The following NT5C3A variants were observed in gnomAD, a reference collection of about 807,000 sequenced individuals.
The protein encoded by NT5C3A is 5'-nucleotidase, cytosolic IIIA.
Under a neutral mutation model 40.0 loss-of-function variants are expected in NT5C3A, and 23 were observed. The ratio of observed to expected loss-of-function variants is 0.58; its 90% CI spans 0.41 to 0.81. NT5C3A has a LOEUF of 0.81. Among genes scored for constraint, NT5C3A ranks in the 40% least tolerant of loss-of-function variants. The pLI is 0.00. For synonymous variants in NT5C3A, 130 were observed against 141.4 expected (o/e 0.92, Z 0.57); for missense variants, 328 against 403.0 (o/e 0.81, Z 1.59).
Position 33,015,777 on chromosome 7 carries a change from CTTTTAG to C in NT5C3A, c.781_786del (p.Leu261_Lys262del). 4 of 1,609,328 alleles carry C rather than the reference CTTTTAG, an allele frequency of 2.5e-6. No individual in the cohort carries two copies. The highest frequency in any genetic ancestry group is 3.4e-6 in the Non-Finnish European group (4 of 1,175,668). The stretch of plus-strand genomic sequence containing the variant: ...CCCAGAAGAATTATGTTACTATTGT[CTTTTAG>C]TTGATTGAAATATTCTGTATTCCTC... On this transcript the variant is annotated inframe_deletion, in exon 8 of 9. Transcript: ENST00000610140.
At position 33,024,059 on chromosome 7, in the gene NT5C3A, T is replaced by C; in HGVS notation, c.287A>G (p.Lys96Arg). 6.4e-7 allele frequency: 1 copy of C among 1,573,892 alleles called. No individual in the cohort carries two copies. Among genetic ancestry groups the C allele is most frequent in the Non-Finnish European group, 8.7e-7 (1 of 1,143,866 alleles). Residue 96 changes from lysine (K) to arginine (R), a missense_variant, in exon 3 of 9, where the codon AAA (lysine) becomes AGA (arginine). Physicochemically the swap from Lys to Arg is conservative, Grantham distance 26. This residue lies in a region of NT5C3A where 280 missense variants were observed against 317.2 expected (regional missense o/e 0.88). Coordinates refer to ENST00000610140, the MANE Select transcript of NT5C3A (RefSeq NM_001002010.5). ...CTTACTATGACATGTTGGGCATCTTTTCCCTTTATATGAAAATCTACTGAG... is the reference window on the plus strand; with the variant it reads ...CTTACTATGACATGTTGGGCATCTTCTCCCTTTATATGAAAATCTACTGAG... Reference protein sequence around the residue: ...MTLSRFSYKGKRCPTCHNIID... With the variant: ...MTLSRFSYKGRRCPTCHNIID...
intron 1 of NT5C3A, among the ~76,000 whole-genome samples, chr7:33,047,004 A>G (rs1262939553): frequency 2.1e-5 from 3 of 141,964 alleles, no homozygotes; most frequent in Non-Finnish European, 4.6e-5. Flanking sequence ...GGGTCTTGCT[A>G]TGGGGTGTAG....
At chr7:33,031,424 C>G (rs1177468024) in intron 1 of NT5C3A, among the ~76,000 whole-genome samples, 1 of 151,118 alleles carries the variant, frequency 6.6e-6, no homozygotes, top group African/African-American at 2.4e-5. Context: ...CCTGTCTCTA[C>G]AAACAATACA....
chr7:33,026,941 T>C (rs1785976568), intron 1 of NT5C3A, 26 bp from the exon 2 acceptor site: 2 of 1,482,036 alleles, frequency 1.3e-6, no homozygotes, highest in East Asian at 4.5e-5. Flanking sequence ...AATTAATTAA[T>C]TAGTTTTCAT....
intron 1 of NT5C3A, among the ~76,000 whole-genome samples, chr7:33,056,473 CAAAAAAAAAAAAAAAAAAAAAAA>C (rs70989927): frequency 0.02 from 879 of 43,762 alleles, 23 homozygotes; most frequent in African/African-American, 0.065. Flanking sequence ...CCGTCTCTAC[CAAAAAAAAAAAAAAAAAAAAAAA>C]AAAAAAAAAA....
chr7:33,031,806 G>T (rs1339608508), intron 1 of NT5C3A, among the ~76,000 whole-genome samples: 1 of 151,838 alleles, frequency 6.6e-6, no homozygotes, highest in East Asian at 1.9e-4. Context: ...TCATCTATAT[G>T]AGTTTCATTT....
In NT5C3A at chr7:33,056,473, CAAAAAAAAAAAAAAAAAAAA is replaced by C. The variant is rs70989927; in HGVS notation, c.138+6075_138+6094del. Among the ~76,000 whole-genome samples the C allele has an allele frequency of 1.0e-3, 45 of 43,718 alleles. 3 individuals are homozygous for C. The highest frequency in any genetic ancestry group is 0.029 in the Middle Eastern group (1 of 34). The allele number at this position is 43,718 out of a possible 152,430, so 28.7% of individuals were successfully genotyped here. A position where few individuals can be genotyped will look rare whatever the true frequency, so the allele number is the denominator to read the frequency against. The stretch of plus-strand genomic sequence containing the variant: ...GCAAATAGTGAGACCCCGTCTCTAC[CAAAAAAAAAAAAAAAAAAAA>C]AAAAAAAAAAAAAAAAAAAAAAATT... On this transcript the variant is annotated intron_variant, in intron 1 of 8. Coordinates refer to ENST00000610140, the MANE Select transcript of NT5C3A (RefSeq NM_001002010.5).
intron 7 of NT5C3A, 73 bp from the exon 8 acceptor site, chr7:33,015,943 T>A: frequency 2.1e-6 from 2 of 958,896 alleles, no homozygotes; most frequent in Non-Finnish European, 3.4e-6. Flanking sequence ...TTGGAGCTCT[T>A]AATTGATGTC....
chr7:33,030,393 G>T (rs998167843), intron 1 of NT5C3A, among the ~76,000 whole-genome samples: 1 of 152,060 alleles, frequency 6.6e-6, no homozygotes, highest in African/African-American at 2.4e-5. Context: ...GACTTGGTTT[G>T]GTGGCATATA....
At chr7:33,029,715 C>G in intron 1 of NT5C3A, 1 of 1,285,112 alleles carries the variant, frequency 7.8e-7, no homozygotes, top group Non-Finnish European at 1.0e-6. Flanking sequence ...TTCTGCTACA[C>G]TAACAAATGT....
chr7:33,060,030 C>T (rs1001861868), intron 1 of NT5C3A, among the ~76,000 whole-genome samples: 3 of 152,226 alleles, frequency 2.0e-5, no homozygotes, highest in Non-Finnish European at 2.9e-5. Flanking sequence ...CGACTCACTG[C>T]AGCCTCGACC....
chr7:33,017,619 CA>C lies in NT5C3A; in HGVS notation c.531-19del. 1.3e-6 allele frequency: 2 copies of C among 1,599,304 alleles called. No individual in the cohort carries two copies. Among genetic ancestry groups the C allele is most frequent in the Non-Finnish European group, 1.7e-6 (2 of 1,166,578 alleles). ...ATCCTTCTCTGTAAGATGGAGATAA[CA>C]AACTGGTTATTAAAGAGCAAGATAT... is the stretch of plus-strand genomic sequence containing the variant. On this transcript the variant is annotated intron_variant, in intron 6 of 8. Coordinates refer to ENST00000610140, the MANE Select transcript of NT5C3A (RefSeq NM_001002010.5).
At chr7:33,026,757 G>T in intron 2 of NT5C3A, 60 bp downstream of exon 2, 1 of 1,158,926 alleles carries the variant, frequency 8.6e-7, no homozygotes, top group Non-Finnish European at 1.3e-6. Context: ...GTCTCCCAAA[G>T]TGCTGGAATT....
chr7:33,019,609 C>T (rs199520409), intron 6 of NT5C3A, 26 bp downstream of exon 6: 49 of 1,345,590 alleles, frequency 3.6e-5, no homozygotes, highest in Non-Finnish European at 4.7e-5. Flanking sequence ...TGAACAATAA[C>T]AGCAAAAAAC....
At chr7:33,043,792 A>C (rs1583953570) in intron 1 of NT5C3A, among the ~76,000 whole-genome samples, 2 of 152,164 alleles carry the variant, frequency 1.3e-5, no homozygotes, top group East Asian at 3.9e-4. Flanking sequence ...GGAGTGAGAT[A>C]GTGGGACTGG....
At chr7:33,042,378 T>C (rs1786965151) in intron 1 of NT5C3A, among the ~76,000 whole-genome samples, 1 of 151,738 alleles carries the variant, frequency 6.6e-6, no homozygotes, top group African/African-American at 2.4e-5. Context: ...AACAAAACTA[T>C]CCAAATTTGT....
chr7:33,035,189 GTTTT>G, intron 1 of NT5C3A, among the ~76,000 whole-genome samples: 1 of 106,186 alleles, frequency 9.4e-6, no homozygotes, highest in South Asian at 3.3e-4. Flanking sequence ...TAAGGAATGA[GTTTT>G]TTTTTTTTTT....
At chr7:33,032,969 C>T (rs1334648509) in intron 1 of NT5C3A, among the ~76,000 whole-genome samples, 1 of 152,188 alleles carries the variant, frequency 6.6e-6, no homozygotes, top group East Asian at 1.9e-4. Context: ...CCAGGCTGGT[C>T]TCAAACTCCT....
chr7:33,019,783 C>T, intron 5 of NT5C3A, 59 bp from the exon 6 acceptor site: 1 of 930,442 alleles, frequency 1.1e-6, no homozygotes, highest in Non-Finnish European at 1.8e-6. Flanking sequence ...AAATTATTAT[C>T]TTTATTACAA....
Sources: allele counts gnomAD v4.1 joint callset (sites outside exome capture counted in the v4.1 genomes callset), GRCh38; gene constraint gnomAD v4.1.1; regional missense constraint gnomAD v4.1.1; transcripts MANE v1.5; gene names NCBI Gene and HGNC (gene_info 2026-07-23, HGNC 2026-07-21).